CRB1: variants seen among roughly 807,000 people sequenced by gnomAD.
CRB1 encodes crumbs cell polarity complex component 1, also known as protein crumbs homolog 1.
CRB1 carries 83 observed loss-of-function variants against 120.0 expected under a neutral mutation model. The observed-to-expected ratio is 0.69, with a 90% CI of 0.58 to 0.83. The LOEUF (loss-of-function observed/expected upper bound fraction) is 0.83. Ranked by LOEUF, CRB1 falls within the 40% of genes least tolerant of loss-of-function variation. The probability of loss-of-function intolerance (pLI) is 0.00; values close to 1 mark genes in which losing one functional copy is unlikely to be tolerated. For synonymous variants in CRB1, 625 were observed against 612.5 expected (o/e 1.02, Z -0.30); for missense variants, 1,699 against 1,687.6 (o/e 1.01, Z -0.12).
intron 11 of CRB1, among the ~76,000 whole-genome samples, chr1:197,451,493 G>C (rs1485453255): frequency 6.6e-6 from 1 of 152,148 alleles, no homozygotes. Flanking sequence ...TTGAGAATGA[G>C]ACATTTCCCT....
intron 1 of CRB1, among the ~76,000 whole-genome samples, chr1:197,300,451 C>T (rs1205800141): frequency 6.6e-6 from 1 of 151,990 alleles, no homozygotes; most frequent in Admixed American, 6.6e-5. Context: ...CCAGCCACAA[C>T]ATTTCCTTAA....
At chr1:197,399,862 C>T (rs1662973167) in intron 5 of CRB1, among the ~76,000 whole-genome samples, 2 of 152,056 alleles carry the variant, frequency 1.3e-5, no homozygotes, top group South Asian at 4.2e-4. Context: ...CTAACAATGG[C>T]AGTTTGACCA....
intron 5 of CRB1, among the ~76,000 whole-genome samples, chr1:197,370,411 T>C (rs147640887): frequency 5.3e-5 from 8 of 152,060 alleles, no homozygotes; most frequent in Non-Finnish European, 7.4e-5. Flanking sequence ...TTCTCCAAGA[T>C]AGACCATATG....
intron 2 of CRB1, among the ~76,000 whole-genome samples, chr1:197,342,351 A>G (rs1039699925): frequency 3.9e-5 from 6 of 152,084 alleles, no homozygotes; most frequent in Non-Finnish European, 8.8e-5. Flanking sequence ...CCCAACAATC[A>G]TGGACTTAAT....
chr1:197,342,537 GT>G (rs1659529210), intron 2 of CRB1, among the ~76,000 whole-genome samples: 1 of 151,946 alleles, frequency 6.6e-6, no homozygotes, highest in African/African-American at 2.4e-5. Context: ...CTATTGCTTT[GT>G]GGCTTTTTCT....
chr1:197,347,540 T>G, intron 4 of CRB1, 61 bp downstream of exon 4: 6 of 1,503,998 alleles, frequency 4.0e-6, no homozygotes, highest in Non-Finnish European at 5.5e-6. Flanking sequence ...ACATATCGCT[T>G]ATAGCAAATG....
chr1:197,229,304 A>G, the CRB1 span, among the ~76,000 whole-genome samples: 2 of 152,212 alleles, frequency 1.3e-5, no homozygotes, highest in Non-Finnish European at 2.9e-5. Context: ...GCAACATGAT[A>G]TGATAGTAAA....
intron 10 of CRB1, chr1:197,440,685 T>TC (rs1445634696): frequency 1.3e-5 from 2 of 152,240 alleles, no homozygotes; most frequent in Non-Finnish European, 2.9e-5. Flanking sequence ...GTGGGCTATC[T>TC]CCCATGGCCT....
chr1:197,385,404 T>C (rs1662163378), intron 5 of CRB1, among the ~76,000 whole-genome samples: 1 of 152,144 alleles, frequency 6.6e-6, no homozygotes, highest in African/African-American at 2.4e-5. Flanking sequence ...ACTATATGTC[T>C]AATATGTAAG....
chr1:197,396,137 C>T (rs1198170749), intron 5 of CRB1, among the ~76,000 whole-genome samples: 5 of 152,146 alleles, frequency 3.3e-5, no homozygotes, highest in African/African-American at 9.7e-5. Context: ...ATAACTTTAA[C>T]ATGGTCACAG....
intron 2 of CRB1, among the ~76,000 whole-genome samples, chr1:197,337,447 A>G (rs1659219847): frequency 6.6e-6 from 1 of 152,232 alleles, no homozygotes; most frequent in Admixed American, 6.5e-5. Context: ...CTGATAAATA[A>G]CAATTATGAA....
chr1:197,354,026 A>AAT (rs1660275621), intron 4 of CRB1, among the ~76,000 whole-genome samples: 1 of 150,902 alleles, frequency 6.6e-6, no homozygotes, highest in East Asian at 1.9e-4. Context: ...ATGGTAAAAA[A>AAT]AAAAAAAAAC....
At chr1:197,472,536 T>C (rs1667027045) in intron 11 of CRB1, among the ~76,000 whole-genome samples, 1 of 152,216 alleles carries the variant, frequency 6.6e-6, no homozygotes, top group Admixed American at 6.5e-5. Flanking sequence ...TTCATATTTT[T>C]TCAGAGCTCC....
rs113033374 is a variant in CRB1 at position 197,417,070 on chromosome 1, T to A, written c.1172-3930T>A. ...TTCAGAGGCAATTTGAAGGAGTGGG[T>A]CTATAAGGAGATTTCGTTGGAGAGG... is the stretch of plus-strand genomic sequence containing the variant. On this transcript the variant is annotated intron_variant, in intron 5 of 11. Coordinates refer to ENST00000367400, the MANE Select transcript of CRB1 (RefSeq NM_201253.3). Among the ~76,000 whole-genome samples the A allele has an allele frequency of 6.8e-3, 1,033 of 152,262 alleles. 14 individuals are homozygous for A. Among genetic ancestry groups the A allele is most frequent in the African/African-American group, 0.023 (972 of 41,534 alleles).
At chr1:197,229,431 C>T in the CRB1 span, among the ~76,000 whole-genome samples, 1 of 152,146 alleles carries the variant, frequency 6.6e-6, no homozygotes, top group African/African-American at 2.4e-5. Context: ...TTTCCCTTCC[C>T]CCAATCTTAA....
chr1:197,228,101 C>T, the CRB1 span, among the ~76,000 whole-genome samples: 3 of 152,190 alleles, frequency 2.0e-5, no homozygotes, highest in African/African-American at 7.2e-5. Context: ...TCCTAGGCTT[C>T]TGGGTCTGTG....
At chr1:197,350,620 C>G (rs1465250105) in intron 4 of CRB1, among the ~76,000 whole-genome samples, 1 of 152,174 alleles carries the variant, frequency 6.6e-6, no homozygotes, top group African/African-American at 2.4e-5. Context: ...AGCCTAAATT[C>G]TAGTAGCGAG....
chr1:197,381,003 A>G (rs913473995), intron 5 of CRB1, among the ~76,000 whole-genome samples: 3 of 152,184 alleles, frequency 2.0e-5, no homozygotes, highest in African/African-American at 7.2e-5. Context: ...AGCTCTTCAT[A>G]TGTTTTCTTT....
At chr1:197,262,635 A>G in the CRB1 span, among the ~76,000 whole-genome samples, 9 of 152,142 alleles carry the variant, frequency 5.9e-5, no homozygotes, top group Non-Finnish European at 8.8e-5. Context: ...CTCATTGCCC[A>G]GGTAGTGAGC....
Sources: allele counts gnomAD v4.1 joint callset (sites outside exome capture counted in the v4.1 genomes callset), GRCh38; gene constraint gnomAD v4.1.1; transcripts MANE v1.5; gene names NCBI Gene and HGNC (gene_info 2026-07-23, HGNC 2026-07-21).